The following GRIK2 variants were observed in gnomAD, a reference collection of about 807,000 sequenced individuals.
GRIK2 encodes glutamate ionotropic receptor kainate type subunit 2.
In GRIK2, 32 loss-of-function variants were observed where a neutral mutation model predicts 100.3. The ratio of observed to expected loss-of-function variants is 0.32; its 90% CI spans 0.24 to 0.43. GRIK2 has a LOEUF of 0.43. Ranked by LOEUF, GRIK2 falls within the 20% of genes least tolerant of loss-of-function variation. The probability of loss-of-function intolerance (pLI) is 1.00; values close to 1 mark genes in which losing one functional copy is unlikely to be tolerated. For synonymous variants in GRIK2, 417 were observed against 389.4 expected, an observed-to-expected ratio of 1.07 and a Z score of -0.83; for missense variants, 843 against 1,114.9, an observed-to-expected ratio of 0.76 and a Z score of 3.47.
chr6:101,707,792 A>T (rs969846448), intron 7 of GRIK2, among the ~76,000 whole-genome samples: 1 of 151,640 alleles, frequency 6.6e-6, no homozygotes, highest in South Asian at 2.1e-4. Flanking sequence ...CACCAAAAAA[A>T]TCAGAAAGAT....
chr6:101,627,592 A>G (rs1036755031), intron 4 of GRIK2, among the ~76,000 whole-genome samples: 1 of 152,224 alleles, frequency 6.6e-6, no homozygotes, highest in Non-Finnish European at 1.5e-5. Flanking sequence ...CAAAGAATGC[A>G]TATAAAACGT....
At chr6:101,509,328 C>A (rs1774185859) in intron 2 of GRIK2, among the ~76,000 whole-genome samples, 1 of 152,096 alleles carries the variant, frequency 6.6e-6, no homozygotes, top group South Asian at 2.1e-4. Context: ...ATAAGGCCTT[C>A]AGTGTATGCA....
intron 14 of GRIK2, among the ~76,000 whole-genome samples, chr6:102,004,991 A>G (rs1795136441): frequency 6.6e-6 from 1 of 151,714 alleles, no homozygotes. Context: ...GTGGCAGGAG[A>G]ACAGTAGCCT....
intron 2 of GRIK2, among the ~76,000 whole-genome samples, chr6:101,606,361 C>A (rs953881022): frequency 6.6e-6 from 1 of 151,910 alleles, no homozygotes; most frequent in African/African-American, 2.4e-5. Context: ...CTTATGGGTA[C>A]CTTTATTCAC....
chr6:101,664,256 T>C (rs987664801), intron 4 of GRIK2, among the ~76,000 whole-genome samples: 1 of 152,208 alleles, frequency 6.6e-6, no homozygotes, highest in African/African-American at 2.4e-5. Flanking sequence ...TAAGCCCATG[T>C]GCAGCAGCTG....
intron 2 of GRIK2, among the ~76,000 whole-genome samples, chr6:101,577,776 G>A (rs1777859507): frequency 6.6e-6 from 1 of 152,078 alleles, no homozygotes; most frequent in Non-Finnish European, 1.5e-5. Flanking sequence ...TGAATCTTAG[G>A]AAAATATAAG....
In GRIK2 at chr6:101,626,506, A is replaced by C. The variant is rs1156309947; in HGVS notation, c.410A>C (p.Gln137Pro). The change falls in exon 4 of 17, where the codon CAG becomes CCG. Residue 137 changes from glutamine (Q) to proline (P), a missense_variant. Physicochemically the swap from Gln to Pro is moderately conservative, Grantham distance 76. Coordinates refer to ENST00000369134, the MANE Select transcript of GRIK2 (RefSeq NM_021956.5). The part of the protein sequence containing the change: ...VPHIQTRWKH[Q>P]VSDNKDSFYV... The stretch of plus-strand genomic sequence containing the variant: ...CACATACAGACCCGCTGGAAGCACC[A>C]GGTGTCAGACAACAAAGATTCCTTC... 4 of 1,613,922 alleles carry C rather than the reference A, an allele frequency of 2.5e-6. No homozygotes were observed. The highest frequency in any genetic ancestry group is 2.2e-5 in the South Asian group (2 of 91,088).
chr6:102,030,101 A>G (rs979810934), intron 14 of GRIK2, among the ~76,000 whole-genome samples: 1 of 151,302 alleles, frequency 6.6e-6, no homozygotes, highest in Non-Finnish European at 1.5e-5. Context: ...GCACAGAAAA[A>G]CAAATGCTGC....
At chr6:101,744,357 T>C (rs2128379689) in intron 7 of GRIK2, among the ~76,000 whole-genome samples, 2 of 151,646 alleles carry the variant, frequency 1.3e-5, no homozygotes, top group African/African-American at 4.8e-5. Flanking sequence ...CACATATTAG[T>C]GAGAATATAC....
chr6:101,785,656 A>G lies in GRIK2; in HGVS notation c.952-13992A>G, dbSNP rs79267890. On this transcript the variant is annotated intron_variant, in intron 7 of 16. Coordinates refer to ENST00000369134, the MANE Select transcript of GRIK2 (RefSeq NM_021956.5). Reference sequence around the variant, plus strand: ...ATATGGATTTATTTCTGGATTGCCCATTTTGTTTCATTGGTCTATGTGTCT... The same window carrying G: ...ATATGGATTTATTTCTGGATTGCCCGTTTTGTTTCATTGGTCTATGTGTCT... 4.1e-3 allele frequency among the ~76,000 whole-genome samples: 617 copies of G among 151,988 alleles called. 4 individuals are homozygous for G. The highest frequency in any genetic ancestry group is 0.014 in the African/African-American group (585 of 41,502).
intron 2 of GRIK2, among the ~76,000 whole-genome samples, chr6:101,547,488 G>A (rs182743560): frequency 5.3e-5 from 8 of 152,160 alleles, no homozygotes; most frequent in African/African-American, 1.9e-4. Flanking sequence ...CCCCACAACA[G>A]GACCCAGTCT....
chr6:101,673,329 C>T (rs1770578425), intron 4 of GRIK2, among the ~76,000 whole-genome samples: 1 of 152,156 alleles, frequency 6.6e-6, no homozygotes, highest in Non-Finnish European at 1.5e-5. Flanking sequence ...CACTAGCCAG[C>T]ATGGGTTTTA....
At chr6:101,748,613 G>A (rs1372911633) in intron 7 of GRIK2, among the ~76,000 whole-genome samples, 1 of 151,912 alleles carries the variant, frequency 6.6e-6, no homozygotes, top group Non-Finnish European at 1.5e-5. Flanking sequence ...AGTCCTGCTA[G>A]TGCAGGCTTA....
intron 7 of GRIK2, among the ~76,000 whole-genome samples, chr6:101,781,566 C>T (rs527315825): frequency 6.6e-6 from 1 of 152,074 alleles, no homozygotes. Context: ...TGCATACATA[C>T]ACACATACCC....
chr6:101,670,313 G>A (rs368172399), intron 4 of GRIK2, among the ~76,000 whole-genome samples: 40 of 152,198 alleles, frequency 2.6e-4, no homozygotes, highest in African/African-American at 9.6e-4. Flanking sequence ...TTAAGTAGGA[G>A]ACGGCAGGTC....
intron 2 of GRIK2, among the ~76,000 whole-genome samples, chr6:101,496,878 G>A (rs1421334781): frequency 6.6e-6 from 1 of 152,180 alleles, no homozygotes; most frequent in African/African-American, 2.4e-5. Flanking sequence ...CTTTGGAATA[G>A]TTTTTATCAT....
intron 11 of GRIK2, among the ~76,000 whole-genome samples, chr6:101,880,043 C>T (rs1180087010): frequency 6.6e-6 from 1 of 151,890 alleles, no homozygotes; most frequent in Non-Finnish European, 1.5e-5. Context: ...ATCATGTTGT[C>T]CCTTGGACTA....
rs184204682 is a variant in GRIK2, at chr6:101,402,583, G to A, written c.115+3191G>A. On this transcript the variant is annotated intron_variant, in intron 2 of 16. Transcript: ENST00000369134. ...AAGGGTCACCTCCAGGCAGGCGGGC[G>A]AGCCCCTGACATTGAGTCTTGGTTG... Among the ~76,000 whole-genome samples the A allele has an allele frequency of 2.7e-4, 41 of 152,288 alleles. No individual in the cohort carries two copies. The East Asian group carries it at 7.0e-3, about 26-fold the overall frequency.
intron 7 of GRIK2, among the ~76,000 whole-genome samples, chr6:101,731,271 C>T (rs1775249201): frequency 6.6e-6 from 1 of 151,878 alleles, no homozygotes; most frequent in Non-Finnish European, 1.5e-5. Flanking sequence ...CCCTCAGTTA[C>T]TCTATTGTTT....
Sources: allele counts gnomAD v4.1 joint callset (sites outside exome capture counted in the v4.1 genomes callset), GRCh38; gene constraint gnomAD v4.1.1; transcripts MANE v1.5; gene names NCBI Gene and HGNC (gene_info 2026-07-23, HGNC 2026-07-21).